The following AK5 variants were observed in gnomAD, a reference collection of about 807,000 sequenced individuals.
AK5 encodes the protein adenylate kinase isoenzyme 5.
AK5 carries 27 observed loss-of-function variants against 69.5 expected under a neutral mutation model. That is an observed-to-expected ratio of 0.39 (90% CI 0.29 to 0.54). The LOEUF (loss-of-function observed/expected upper bound fraction) is 0.54. Ranked by LOEUF, AK5 falls within the 20% of genes least tolerant of loss-of-function variation. The pLI is 0.71. For missense variants in AK5, 531 were observed against 700.4 expected (o/e 0.76, Z 2.73); for synonymous variants, 260 against 244.4 (o/e 1.06, Z -0.60).
intron 5 of AK5, among the ~76,000 whole-genome samples, chr1:77,332,373 T>C (rs1661133711): frequency 6.6e-6 from 1 of 150,536 alleles, no homozygotes; most frequent in Admixed American, 6.6e-5. Flanking sequence ...TTTCTACTTT[T>C]TAGTAGACCT....
chr1:77,354,356 A>G (rs571116518), intron 6 of AK5, among the ~76,000 whole-genome samples: 1 of 152,166 alleles, frequency 6.6e-6, no homozygotes, highest in Non-Finnish European at 1.5e-5. Context: ...GATGTATGAA[A>G]ATGTTGATTT....
At chr1:77,534,226 G>A (rs1035703360) in intron 12 of AK5, among the ~76,000 whole-genome samples, 1 of 152,164 alleles carries the variant, frequency 6.6e-6, no homozygotes, top group Non-Finnish European at 1.5e-5. Flanking sequence ...CTCACAGCTC[G>A]AATGTGGCAA....
intron 7 of AK5, among the ~76,000 whole-genome samples, chr1:77,415,616 C>T (rs909194042): frequency 3.9e-5 from 6 of 152,300 alleles, no homozygotes; most frequent in African/African-American, 1.4e-4. Flanking sequence ...CTCCTTAATT[C>T]CACTTCTGAT....
chr1:77,401,571 C>T (rs1337492491), intron 6 of AK5, among the ~76,000 whole-genome samples: 1 of 152,098 alleles, frequency 6.6e-6, no homozygotes, highest in Non-Finnish European at 1.5e-5. Context: ...AAAGCAGAAT[C>T]GCAGAGGAAA....
intron 5 of AK5, among the ~76,000 whole-genome samples, chr1:77,333,514 T>C (rs1166773485): frequency 2.6e-5 from 4 of 152,132 alleles, no homozygotes; most frequent in East Asian, 1.9e-4. Context: ...TCTTACTTTT[T>C]TTGAATTAAG....
intron 10 of AK5, among the ~76,000 whole-genome samples, chr1:77,487,380 A>T (rs1363648749): frequency 1.2e-4 from 12 of 100,892 alleles, no homozygotes; most frequent in Non-Finnish European, 1.6e-4. Flanking sequence ...AAAAATGCAT[A>T]AAAAAAGGAC....
chr1:77,306,138 T>G (rs1425915024), intron 5 of AK5, among the ~76,000 whole-genome samples: 1 of 152,166 alleles, frequency 6.6e-6, no homozygotes, highest in Non-Finnish European at 1.5e-5. Context: ...ATGGTGACAG[T>G]AGGCATCCTT....
intron 6 of AK5, among the ~76,000 whole-genome samples, chr1:77,403,625 C>T (rs1649402411): frequency 6.6e-6 from 1 of 152,210 alleles, no homozygotes; most frequent in African/African-American, 2.4e-5. Flanking sequence ...GGCATTATTT[C>T]TGAGGGCTCT....
intron 8 of AK5, among the ~76,000 whole-genome samples, chr1:77,477,099 C>T (rs752032770): frequency 1.3e-5 from 2 of 151,858 alleles, no homozygotes; most frequent in East Asian, 1.9e-4. Context: ...GCAGTCATGG[C>T]TTACTGCAGC....
intron 10 of AK5, among the ~76,000 whole-genome samples, chr1:77,516,346 T>G (rs1482615444): frequency 2.0e-5 from 3 of 152,130 alleles, no homozygotes; most frequent in Non-Finnish European, 2.9e-5. Context: ...AGACCTCATG[T>G]ACAGCATGAT....
chr1:77,493,331 C>A lies in AK5; in HGVS notation c.1147+6979C>A, dbSNP rs367787887. ...CTCCTGCCCTTGGACACCAGCAGCC[C>A]CCCCCAGGTTCTCAGGCCTTTGGAC... On this transcript the variant is annotated intron_variant, in intron 10 of 13. Transcript: ENST00000354567. Among the ~76,000 whole-genome samples, 8 of 151,630 alleles carry A rather than the reference C, an allele frequency of 5.3e-5. 1 individual carries two copies. Among genetic ancestry groups the A allele is most frequent in the African/African-American group, 1.9e-4 (8 of 41,332 alleles).
chr1:77,543,272 A>T (rs1435591707), intron 13 of AK5, among the ~76,000 whole-genome samples: 3 of 152,222 alleles, frequency 2.0e-5, no homozygotes, highest in African/African-American at 4.8e-5. Context: ...AACTGACTGG[A>T]TCCCCAAGTT....
intron 10 of AK5, among the ~76,000 whole-genome samples, chr1:77,494,040 G>GC (rs1172231259): frequency 1.2e-4 from 18 of 152,156 alleles, no homozygotes; most frequent in Admixed American, 6.5e-4. Context: ...AACAGTCCTT[G>GC]CAACACTGCA....
intron 5 of AK5, among the ~76,000 whole-genome samples, chr1:77,318,918 A>G (rs892993875): frequency 6.6e-6 from 1 of 152,200 alleles, no homozygotes; most frequent in Non-Finnish European, 1.5e-5. Context: ...CCAGCAGGAA[A>G]GCAATGGCAT....
At chr1:77,506,809 G>A (rs1657057892) in intron 10 of AK5, among the ~76,000 whole-genome samples, 1 of 152,128 alleles carries the variant, frequency 6.6e-6, no homozygotes, top group Admixed American at 6.5e-5. Flanking sequence ...AACCAGCCTG[G>A]CCAAGATGGC....
At chr1:77,365,224 G>A (rs961227110) in intron 6 of AK5, among the ~76,000 whole-genome samples, 4 of 151,932 alleles carry the variant, frequency 2.6e-5, no homozygotes, top group South Asian at 2.1e-4. Context: ...TTGTGTTTCC[G>A]CTGTGGAGAT....
chr1:77,367,814 A>ATATATATTATATATAATATATGT (rs1647014040), intron 6 of AK5, among the ~76,000 whole-genome samples: 15 of 10,580 alleles, frequency 1.4e-3, no homozygotes, highest in East Asian at 5.8e-3. Flanking sequence ...AATATATGTT[A>ATATATATTATATATAATATATGT]TATATATTAT....
chr1:77,446,646 C>T (rs2100649351), intron 8 of AK5, among the ~76,000 whole-genome samples: 1 of 152,080 alleles, frequency 6.6e-6, no homozygotes, highest in African/African-American at 2.4e-5. Flanking sequence ...TAAATTTATT[C>T]CTAAATATTT....
At chr1:77,549,247 A>G (rs1227039319) in intron 13 of AK5, among the ~76,000 whole-genome samples, 1 of 151,788 alleles carries the variant, frequency 6.6e-6, no homozygotes, top group Non-Finnish European at 1.5e-5. Flanking sequence ...GGATTTTTAT[A>G]TCATGTCTCA....
Sources: allele counts gnomAD v4.1 joint callset (sites outside exome capture counted in the v4.1 genomes callset), GRCh38; gene constraint gnomAD v4.1.1; transcripts MANE v1.5; gene names NCBI Gene and HGNC (gene_info 2026-07-23, HGNC 2026-07-21).